The following WWOX variants were observed in gnomAD, a reference collection of about 807,000 sequenced individuals.
WWOX encodes the protein WW domain containing oxidoreductase, also known as WW domain-containing oxidoreductase.
Under a neutral mutation model 46.2 loss-of-function variants are expected in WWOX, and 69 were observed. That is an observed-to-expected ratio of 1.49 (90% CI 1.23 to 1.82). The LOEUF (loss-of-function observed/expected upper bound fraction) is 1.82. Among genes scored for constraint, WWOX ranks in the 40% most tolerant of loss-of-function variants. The probability of loss-of-function intolerance (pLI) is 0.00; values close to 1 mark genes in which losing one functional copy is unlikely to be tolerated. For synonymous variants in WWOX, 359 were observed against 202.6 expected (o/e 1.77, Z -6.56); for missense variants, 919 against 542.6 (o/e 1.69, Z -6.89).
At chr16:78,412,705 A>G (rs4516239) in intron 6 of WWOX, among the ~76,000 whole-genome samples, 40,499 of 151,990 alleles carry the variant, frequency 0.27, 10,986 homozygotes, top group African/African-American at 0.69. Flanking sequence ...GAGGTTGCTG[A>G]ATTTATTGAT....
chr16:78,816,360 G>C (rs2051330150), intron 8 of WWOX, among the ~76,000 whole-genome samples: 1 of 152,066 alleles, frequency 6.6e-6, no homozygotes, highest in Admixed American at 6.6e-5. Flanking sequence ...CTCATTGATA[G>C]TCTTGGTGTG....
chr16:78,109,050 T>G (rs2032329586), intron 2 of WWOX, among the ~76,000 whole-genome samples: 1 of 152,186 alleles, frequency 6.6e-6, no homozygotes, highest in African/African-American at 2.4e-5. Context: ...ATTCACAGTT[T>G]ATGATGTTTT....
intron 8 of WWOX, among the ~76,000 whole-genome samples, chr16:78,470,743 G>A (rs941930149): frequency 6.6e-6 from 1 of 152,098 alleles, no homozygotes; most frequent in African/African-American, 2.4e-5. Context: ...GGGCCAGGCT[G>A]GTCTTGAACT....
chr16:78,646,958 C>A (rs1231544599), intron 8 of WWOX, among the ~76,000 whole-genome samples: 2 of 152,134 alleles, frequency 1.3e-5, no homozygotes, highest in African/African-American at 4.8e-5. Flanking sequence ...GTGGAAGTGA[C>A]AACTCTAGGC....
intron 5 of WWOX, among the ~76,000 whole-genome samples, chr16:78,193,991 C>T (rs1018155382): frequency 2.0e-5 from 3 of 151,566 alleles, no homozygotes; most frequent in African/African-American, 7.3e-5. Context: ...CATTCTCTTG[C>T]CTCAGCCTCC....
At chr16:79,161,194 G>T (rs1401394216) in intron 8 of WWOX, among the ~76,000 whole-genome samples, 1 of 152,158 alleles carries the variant, frequency 6.6e-6, no homozygotes, top group Non-Finnish European at 1.5e-5. Flanking sequence ...AATATATTTG[G>T]TAAAAATATG....
chr16:79,136,234 CTT>C (rs1223038831), intron 8 of WWOX, among the ~76,000 whole-genome samples: 18 of 142,220 alleles, frequency 1.3e-4, no homozygotes, highest in Admixed American at 2.8e-4. Flanking sequence ...GTCACTTCTT[CTT>C]TTTTTTTTTT....
chr16:78,175,734 G>C (rs2035321968), intron 5 of WWOX, among the ~76,000 whole-genome samples: 1 of 152,190 alleles, frequency 6.6e-6, no homozygotes, highest in African/African-American at 2.4e-5. Context: ...CTGAATCCTT[G>C]ACCCACAAAA....
intron 8 of WWOX, among the ~76,000 whole-genome samples, chr16:78,956,920 G>T (rs2046178937): frequency 6.6e-6 from 1 of 152,172 alleles, no homozygotes; most frequent in Non-Finnish European, 1.5e-5. Context: ...TGTAAAGAAA[G>T]TTTGCTACTG....
chr16:78,289,327 A>G (rs1027468430), intron 5 of WWOX, among the ~76,000 whole-genome samples: 1 of 152,186 alleles, frequency 6.6e-6, no homozygotes, highest in Non-Finnish European at 1.5e-5. Context: ...TGATGACCCA[A>G]AGAAGGCATG....
intron 8 of WWOX, among the ~76,000 whole-genome samples, chr16:78,509,322 C>G (rs2085297984): frequency 6.6e-6 from 1 of 152,078 alleles, no homozygotes; most frequent in Non-Finnish European, 1.5e-5. Flanking sequence ...CACCTGTAGT[C>G]CTAGCTACTT....
At chr16:78,987,033 G>T (rs1272946264) in intron 8 of WWOX, among the ~76,000 whole-genome samples, 2 of 152,132 alleles carry the variant, frequency 1.3e-5, no homozygotes, top group Non-Finnish European at 1.5e-5. Context: ...CTGGGGAAAT[G>T]ATCCTAGGGC....
chr16:78,762,193 G>T (rs1420541916), intron 8 of WWOX, among the ~76,000 whole-genome samples: 1 of 152,136 alleles, frequency 6.6e-6, no homozygotes, highest in Non-Finnish European at 1.5e-5. Context: ...CAAAATCACA[G>T]ACCCAGGAAT....
At chr16:78,399,869 C>T (rs775886087) in intron 6 of WWOX, among the ~76,000 whole-genome samples, 1 of 152,110 alleles carries the variant, frequency 6.6e-6, no homozygotes. Flanking sequence ...CCATCTTTTC[C>T]CAGTAAATTG....
At chr16:78,862,646 G>A (rs1270634091) in intron 8 of WWOX, among the ~76,000 whole-genome samples, 2 of 152,084 alleles carry the variant, frequency 1.3e-5, no homozygotes, top group African/African-American at 4.8e-5. Context: ...GAGATAAAAA[G>A]GCATCAGTTC....
intron 8 of WWOX, among the ~76,000 whole-genome samples, chr16:78,762,507 A>G (rs1292121449): frequency 1.3e-5 from 2 of 152,218 alleles, no homozygotes; most frequent in Non-Finnish European, 2.9e-5. Context: ...CTGCAAAGAC[A>G]ATACGACCCA....
chr16:78,739,297 G>A (rs1018571304), intron 8 of WWOX, among the ~76,000 whole-genome samples: 14 of 152,190 alleles, frequency 9.2e-5, no homozygotes, highest in African/African-American at 2.9e-4. Context: ...AAAGCAAGAT[G>A]GTCATACTGG....
chr16:78,904,412 T>A (rs1417993157), intron 8 of WWOX, among the ~76,000 whole-genome samples: 1 of 151,936 alleles, frequency 6.6e-6, no homozygotes. Flanking sequence ...CTAATTTTTG[T>A]ATTTTTAGTA....
chr16:78,779,151 T>C (rs1291893636), intron 8 of WWOX, among the ~76,000 whole-genome samples: 1 of 152,148 alleles, frequency 6.6e-6, no homozygotes, highest in Non-Finnish European at 1.5e-5. Flanking sequence ...ACTTGTCTTT[T>C]TTGTTGTTTG....
Sources: allele counts gnomAD v4.1 joint callset (sites outside exome capture counted in the v4.1 genomes callset), GRCh38; gene constraint gnomAD v4.1.1; transcripts MANE v1.5; gene names NCBI Gene and HGNC (gene_info 2026-07-23, HGNC 2026-07-21).